CFDP1: variants seen among roughly 807,000 people sequenced by gnomAD.
The protein encoded by CFDP1 is chromatin remodeling protein CFDP1, also known as heterochromatin-stabilizing protein CFDP1.
A neutral mutation model predicts 40.1 loss-of-function variants in CFDP1; 31 were observed. That is an observed-to-expected ratio of 0.77 (90% confidence interval 0.58 to 1.04). The LOEUF (loss-of-function observed/expected upper bound fraction) is 1.04, where lower values mean the gene tolerates loss of function less well. Among genes scored for constraint, CFDP1 ranks in the 50% least tolerant of loss-of-function variants. CFDP1 has a pLI of 0.00. For synonymous variants in CFDP1, 167 were observed against 120.0 expected (o/e 1.39, Z -2.56); for missense variants, 423 against 343.4 (o/e 1.23, Z -1.83).
intron 5 of CFDP1, among the ~76,000 whole-genome samples, chr16:75,333,715 G>A (rs1338496167): frequency 6.6e-6 from 1 of 152,174 alleles, no homozygotes; most frequent in Non-Finnish European, 1.5e-5. Flanking sequence ...TCTGTCAAAT[G>A]AGAATTAGGA....
chr16:75,335,436 A>G (rs1014593510), intron 5 of CFDP1, among the ~76,000 whole-genome samples: 5 of 152,138 alleles, frequency 3.3e-5, no homozygotes, highest in African/African-American at 1.2e-4. Context: ...CACTGTTACC[A>G]GTTTCTTATG....
intron 5 of CFDP1, among the ~76,000 whole-genome samples, chr16:75,382,853 C>G (rs370311378): frequency 6.6e-6 from 1 of 152,204 alleles, no homozygotes; most frequent in Non-Finnish European, 1.5e-5. Flanking sequence ...TTTGTTTCCA[C>G]TTCCTACAGG....
intron 5 of CFDP1, among the ~76,000 whole-genome samples, chr16:75,367,161 T>G (rs1597357862): frequency 1.3e-5 from 1 of 77,254 alleles, no homozygotes; most frequent in Non-Finnish European, 2.6e-5. Context: ...CGAGACTCCA[T>G]CTCAAAAAAA....
chr16:75,414,507 G>C (rs2079187578), intron 2 of CFDP1, 71 bp downstream of exon 2: 3 of 892,796 alleles, frequency 3.4e-6, no homozygotes, highest in Non-Finnish European at 3.7e-6. Context: ...TCTATCATGA[G>C]ACCAATCTTA....
chr16:75,378,484 TTTAAAAAATGGTGATCA>T (rs1377348506), intron 5 of CFDP1, among the ~76,000 whole-genome samples: 1 of 152,046 alleles, frequency 6.6e-6, no homozygotes, highest in Non-Finnish European at 1.5e-5. Context: ...AGATCAAAGT[TTTAAAAAATGGTGATCA>T]TTAATAAAAG....
intron 5 of CFDP1, among the ~76,000 whole-genome samples, chr16:75,343,055 A>G (rs572043938): frequency 2.0e-4 from 30 of 152,236 alleles, no homozygotes; most frequent in Middle Eastern, 6.8e-3. Context: ...GCTCCCTGGA[A>G]GAAAACAACT....
At chr16:75,297,657 C>G (rs753822937) in intron 6 of CFDP1, among the ~76,000 whole-genome samples, 1 of 152,180 alleles carries the variant, frequency 6.6e-6, no homozygotes. Context: ...GATGCATCAT[C>G]CCTTTCTGCT....
At chr16:75,326,178 T>C (rs2078399419) in intron 5 of CFDP1, among the ~76,000 whole-genome samples, 1 of 152,230 alleles carries the variant, frequency 6.6e-6, no homozygotes. Context: ...GGGGACCTAA[T>C]GAAAGACTTT....
intron 5 of CFDP1, among the ~76,000 whole-genome samples, chr16:75,382,232 A>G (rs1408376338): frequency 6.6e-6 from 1 of 152,128 alleles, no homozygotes; most frequent in Non-Finnish European, 1.5e-5. Flanking sequence ...GTTGTGTTCC[A>G]TTTTCCACTG....
chr16:75,418,727 C>T (rs1439953643), intron 1 of CFDP1, among the ~76,000 whole-genome samples: 3 of 112,904 alleles, frequency 2.7e-5, no homozygotes, highest in Non-Finnish European at 3.8e-5. Context: ...CACAAAAAGG[C>T]TCCCTAAAAA....
chr16:75,366,972 T>C (rs1408024916), intron 5 of CFDP1, among the ~76,000 whole-genome samples: 2 of 151,942 alleles, frequency 1.3e-5, no homozygotes, highest in Non-Finnish European at 2.9e-5. Flanking sequence ...AAGACCAGCC[T>C]GGCCAACATG....
intron 5 of CFDP1, among the ~76,000 whole-genome samples, chr16:75,389,475 G>A (rs968397140): frequency 2.0e-5 from 3 of 152,144 alleles, no homozygotes; most frequent in African/African-American, 7.2e-5. Flanking sequence ...TGCATTTTTA[G>A]TTACAAACAT....
chr16:75,330,962 TA>T (rs11333509), intron 5 of CFDP1, among the ~76,000 whole-genome samples: 93,995 of 127,632 alleles, frequency 0.74, 33,968 homozygotes, highest in Admixed American at 0.77. Context: ...TTCCAATTAT[TA>T]AAAAAAAAAA....
chr16:75,402,240 G>C (rs2079061975), intron 4 of CFDP1, among the ~76,000 whole-genome samples: 1 of 152,128 alleles, frequency 6.6e-6, no homozygotes, highest in Admixed American at 6.5e-5. Context: ...ACAGGAAAAG[G>C]CCTATTATTA....
intron 5 of CFDP1, among the ~76,000 whole-genome samples, chr16:75,347,856 C>A (rs1267863269): frequency 6.6e-6 from 1 of 152,186 alleles, no homozygotes; most frequent in Admixed American, 6.5e-5. Context: ...TCCATAACCT[C>A]ATTCTCATCA....
At chr16:75,416,680 C>T (rs1248711243) in intron 1 of CFDP1, among the ~76,000 whole-genome samples, 2 of 151,964 alleles carry the variant, frequency 1.3e-5, no homozygotes, top group Non-Finnish European at 2.9e-5. Context: ...CCTGGGAGGT[C>T]AAAGCTAGAG....
chr16:75,332,461 T>C (rs2078453066), intron 5 of CFDP1, among the ~76,000 whole-genome samples: 4 of 151,650 alleles, frequency 2.6e-5, no homozygotes, highest in Non-Finnish European at 4.4e-5. Context: ...TGAGACTCCA[T>C]TACAAAAATA....
intron 5 of CFDP1, among the ~76,000 whole-genome samples, chr16:75,309,903 T>C (rs552084753): frequency 3.6e-4 from 51 of 142,916 alleles, no homozygotes; most frequent in South Asian, 9.3e-4. Context: ...TCCTAAGCCA[T>C]AGGGCAAGGT....
At chr16:75,397,613 C>T (rs184400533) in intron 4 of CFDP1, among the ~76,000 whole-genome samples, 2 of 151,924 alleles carry the variant, frequency 1.3e-5, no homozygotes, top group African/African-American at 2.4e-5. Flanking sequence ...CCAGCCAGGC[C>T]AACATGGTGA....
Sources: gnomAD v4.1 joint callset for allele counts (sites outside exome capture counted in the v4.1 genomes callset) on GRCh38, gnomAD v4.1.1 for gene constraint, MANE v1.5 for transcripts, NCBI Gene and HGNC (gene_info 2026-07-23, HGNC 2026-07-21) for gene names.